Variants in LITAF observed in about 807,000 individuals in gnomAD.
LITAF encodes lipopolysaccharide-induced tumor necrosis factor-alpha factor.
LITAF carries 9 observed loss-of-function variants against 14.5 expected under a neutral mutation model. The ratio of observed to expected loss-of-function variants is 0.62; its 90% CI spans 0.37 to 1.08. LITAF has a LOEUF of 1.08. Among genes scored for constraint, LITAF ranks in the 50% least tolerant of loss-of-function variants. LITAF has a pLI of 0.01. For missense variants in LITAF, 206 were observed against 213.4 expected (o/e 0.97, Z 0.22); for synonymous variants, 98 against 88.2 (o/e 1.11, Z -0.62).
chr16:11,631,700 C>T (rs765907311), intron 3 of LITAF, among the ~76,000 whole-genome samples: 6 of 151,966 alleles, frequency 3.9e-5, no homozygotes, highest in Admixed American at 2.6e-4. Flanking sequence ...ACCACACGGA[C>T]GCCTTCTCTC....
intron 1 of LITAF, among the ~76,000 whole-genome samples, chr16:11,579,577 A>C (rs1257492292): frequency 6.6e-6 from 1 of 152,112 alleles, no homozygotes; most frequent in African/African-American, 2.4e-5. Flanking sequence ...GCCCAGAAAA[A>C]AAGGACATCA....
At position 11,622,983 on chromosome 16, in the gene LITAF, T is replaced by G. The variant is rs1597374744; in HGVS notation, c.85+10550A>C. On this transcript the variant is annotated intron_variant, in intron 3 of 3. Transcript: ENST00000574848. ...ATATATATATATATAATTTTTTTTT[T>G]GAAACAGAGTCTCGCTCTGTCGCCC... Among the ~76,000 whole-genome samples the G allele has an allele frequency of 2.0e-5, 3 of 150,212 alleles. No homozygotes were observed. In the East Asian group the frequency reaches 5.9e-4, roughly 29 times the overall value.
At chr16:11,576,961 G>A (rs182795965) in intron 1 of LITAF, among the ~76,000 whole-genome samples, 3 of 152,326 alleles carry the variant, frequency 2.0e-5, no homozygotes, top group Non-Finnish European at 2.9e-5. Context: ...AAGACTTACG[G>A]ATAATGTGGG....
At chr16:11,635,361 A>G (rs1279088979) in intron 2 of LITAF, among the ~76,000 whole-genome samples, 1 of 152,230 alleles carries the variant, frequency 6.6e-6, no homozygotes, top group East Asian at 1.9e-4. Context: ...AGCCAGAGCC[A>G]ACCCCTGTAC....
chr16:11,547,750 G>C lies in LITAF; in HGVS notation c.*1887C>G. On this transcript the variant is annotated 3_prime_UTR_variant, in exon 4 of 4. Coordinates refer to ENST00000622633, the MANE Select transcript of LITAF (RefSeq NM_001136472.2). ...TCTTTTGTGCATTTTATTAAAACTT[G>C]AAAGCTATGGCTTGCCGCCATCAAT... is the stretch of plus-strand genomic sequence containing the variant. 1 of 452,138 alleles carries C rather than the reference G, an allele frequency of 2.2e-6. No homozygotes were observed. The highest frequency in any genetic ancestry group is 4.4e-6 in the Non-Finnish European group (1 of 225,478). The allele number at this position is 452,138 out of a possible 1,614,324, so 28.0% of individuals were successfully genotyped here.
intron 1 of LITAF, among the ~76,000 whole-genome samples, chr16:11,568,897 C>T (rs1177832051): frequency 2.6e-5 from 4 of 152,230 alleles, no homozygotes; most frequent in African/African-American, 9.6e-5. Flanking sequence ...CCAACCTGGT[C>T]TCCAACTCCT....
At chr16:11,635,724 C>T (rs2065135491) in intron 2 of LITAF, 1 of 152,266 alleles carries the variant, frequency 6.6e-6, no homozygotes, top group Non-Finnish European at 1.5e-5. Context: ...AGTGTCCCCA[C>T]AGGGACCCTT....
In LITAF at chr16:11,632,102, C is replaced by T. The variant is rs1184975397; in HGVS notation, c.85+1431G>A. Among the ~76,000 whole-genome samples the T allele has an allele frequency of 2.6e-5, 4 of 151,012 alleles. No homozygotes were observed. ...CAGGATGGTCTTGATCTCCTGACCTCGTGATCCACCCGCCTCGGCCTCCCA... is the reference window on the plus strand; with the variant it reads ...CAGGATGGTCTTGATCTCCTGACCTTGTGATCCACCCGCCTCGGCCTCCCA... On this transcript the variant is annotated intron_variant, in intron 3 of 3. Transcript: ENST00000574848. The surrounding 1 kb of genome is among the most constrained non-coding windows in gnomAD (Gnocchi z 4.8).
At chr16:11,638,504 C>T (rs1224168722), upstream of LITAF, among the ~76,000 whole-genome samples, 2 of 151,648 alleles carry the variant, frequency 1.3e-5, no homozygotes, top group African/African-American at 4.8e-5. Flanking sequence ...AGTTTAAGAC[C>T]AGCCTGACCA....
intron 1 of LITAF, among the ~76,000 whole-genome samples, chr16:11,571,081 T>C (rs1427186480): frequency 6.6e-6 from 1 of 152,138 alleles, no homozygotes; most frequent in African/African-American, 2.4e-5. Flanking sequence ...TTTTTGTGTG[T>C]TGTTGAGTCC....
chr16:11,556,877 G>T lies in LITAF; in HGVS notation c.-5-142C>A, dbSNP rs2064279213. ...TCCAGCTTTGTCCAAAAGCTAGGAAGAGGGTTAATGTCCCTTCAAGACCCC... is the reference window on the plus strand; with the variant it reads ...TCCAGCTTTGTCCAAAAGCTAGGAATAGGGTTAATGTCCCTTCAAGACCCC... On this transcript the variant is annotated intron_variant, in intron 1 of 3. Coordinates refer to ENST00000622633, the MANE Select transcript of LITAF (RefSeq NM_001136472.2). 5.3e-6 allele frequency: 4 copies of T among 748,414 alleles called. No individual in the cohort carries two copies. The Admixed American group carries it at 8.4e-5, about 16-fold the overall frequency. 46.4% of individuals were successfully genotyped at this position (748,414 alleles called of 1,614,324 possible).
At chr16:11,604,901 C>T (rs2064947075) in intron 3 of LITAF, among the ~76,000 whole-genome samples, 2 of 152,240 alleles carry the variant, frequency 1.3e-5, no homozygotes, top group East Asian at 1.9e-4. Context: ...CCCACCCACG[C>T]CTGTTCAAGG....
chr16:11,599,236 A>G (rs2141862063), upstream of LITAF, among the ~76,000 whole-genome samples: 1 of 151,856 alleles, frequency 6.6e-6, no homozygotes, highest in African/African-American at 2.4e-5. Flanking sequence ...CTCCTGCCTC[A>G]GCCTCTGGGT....
At chr16:11,576,204 C>T (rs2064629543) in intron 1 of LITAF, among the ~76,000 whole-genome samples, 2 of 152,140 alleles carry the variant, frequency 1.3e-5, no homozygotes, top group Non-Finnish European at 1.5e-5. Context: ...CACGGTGGCT[C>T]ATGCCTGTAA....
intron 3 of LITAF, among the ~76,000 whole-genome samples, chr16:11,622,913 C>T (rs894972711): frequency 6.6e-6 from 1 of 150,930 alleles, no homozygotes; most frequent in Non-Finnish European, 1.5e-5. Context: ...TAATCGTCAT[C>T]ATGACCCAAT....
intron 3 of LITAF, among the ~76,000 whole-genome samples, chr16:11,550,696 A>C (rs545625636): frequency 1.3e-5 from 2 of 151,566 alleles, no homozygotes; most frequent in Non-Finnish European, 2.9e-5. Context: ...GGGTCTTGCT[A>C]TGTTGCACAG....
At chr16:11,574,229 A>G (rs1285009065) in intron 1 of LITAF, among the ~76,000 whole-genome samples, 1 of 151,538 alleles carries the variant, frequency 6.6e-6, no homozygotes, top group African/African-American at 2.4e-5. Flanking sequence ...TTTTGTAGAG[A>G]CGGGGTCTCA....
intron 1 of LITAF, among the ~76,000 whole-genome samples, chr16:11,583,827 T>A (rs1343476439): frequency 1.3e-5 from 2 of 152,212 alleles, no homozygotes; most frequent in African/African-American, 2.4e-5. Flanking sequence ...AACTCCTACC[T>A]ACTGCGAGGT....
chr16:11,559,121 T>C (rs2064318443), intron 1 of LITAF, among the ~76,000 whole-genome samples: 1 of 152,026 alleles, frequency 6.6e-6, no homozygotes, highest in Non-Finnish European at 1.5e-5. Flanking sequence ...CCAGGCATGG[T>C]GTTGCACACT....
Sources: allele counts gnomAD v4.1 joint callset (sites outside exome capture counted in the v4.1 genomes callset), GRCh38; gene constraint gnomAD v4.1.1; non-coding constraint Gnocchi (gnomAD v3.1); transcripts MANE v1.5; gene names NCBI Gene and HGNC (gene_info 2026-07-23, HGNC 2026-07-21).